AKAIN1: variants seen among roughly 807,000 people sequenced by gnomAD.
The protein encoded by AKAIN1 is A-kinase anchor protein inhibitor 1.
In AKAIN1, 3 loss-of-function variants were observed where a neutral mutation model predicts 3.7. The ratio of observed to expected loss-of-function variants is 0.82; its 90% confidence interval spans 0.37 to 2.12. AKAIN1 has a LOEUF of 2.12. Ranked by LOEUF, AKAIN1 falls within the 30% of genes most tolerant of loss-of-function variation. The probability of loss-of-function intolerance (pLI) is 0.06; values close to 1 mark genes in which losing one functional copy is unlikely to be tolerated. For synonymous variants in AKAIN1, 31 were observed against 30.8 expected, an observed-to-expected ratio of 1.01 and a Z score of -0.02; for missense variants, 82 against 82.7, an observed-to-expected ratio of 0.99 and a Z score of 0.03.
intron 1 of AKAIN1, among the ~76,000 whole-genome samples, chr18:5,193,688 G>T (rs911456098): frequency 6.6e-6 from 1 of 152,068 alleles, no homozygotes; most frequent in African/African-American, 2.4e-5. Context: ...AATGGTCAGT[G>T]GTCTTTCTTC....
At chr18:5,147,595 T>C (rs1461033733) in intron 1 of AKAIN1, among the ~76,000 whole-genome samples, 1 of 152,222 alleles carries the variant, frequency 6.6e-6, no homozygotes, top group African/African-American at 2.4e-5. Context: ...CAACAGAATT[T>C]ATACACCTAA....
At chr18:5,184,177 A>C (rs954074741) in intron 1 of AKAIN1, among the ~76,000 whole-genome samples, 1 of 150,964 alleles carries the variant, frequency 6.6e-6, no homozygotes, top group African/African-American at 2.5e-5. Context: ...CATGCCCCAC[A>C]ATGACAGCAA....
intron 1 of AKAIN1, among the ~76,000 whole-genome samples, chr18:5,185,460 T>C (rs895902892): frequency 6.6e-6 from 1 of 152,134 alleles, no homozygotes; most frequent in Admixed American, 6.5e-5. Context: ...AACAAAGGTC[T>C]AATATCCAGA....
chr18:5,161,889 C>A (rs1284701723), intron 1 of AKAIN1, among the ~76,000 whole-genome samples: 1 of 152,084 alleles, frequency 6.6e-6, no homozygotes, highest in Non-Finnish European at 1.5e-5. Flanking sequence ...CAGGTGTGAT[C>A]TATTACTCTT....
At chr18:5,169,945 G>A (rs1210720500) in intron 1 of AKAIN1, among the ~76,000 whole-genome samples, 2 of 152,040 alleles carry the variant, frequency 1.3e-5, no homozygotes, top group African/African-American at 4.8e-5. Flanking sequence ...GCCTGTGATG[G>A]CCTAAAGTTT....
Position 5,161,643 on chromosome 18 carries a change from G to A in AKAIN1, c.17-15888C>T, listed in dbSNP as rs2143330777. On this transcript the variant is annotated intron_variant, in intron 1 of 1. Coordinates refer to ENST00000434239, the MANE Select transcript of AKAIN1 (RefSeq NM_001145194.2). ...AGATTTTGCTATCCCAATATTAACT[G>A]TGATATTTTCTGGAGCTTTTGGTAG... is the stretch of plus-strand genomic sequence containing the variant. 1.3e-5 allele frequency among the ~76,000 whole-genome samples: 2 copies of A among 152,196 alleles called. 1 individual carries two copies. Among genetic ancestry groups the A allele is most frequent in the Middle Eastern group, 6.8e-3 (2 of 294 alleles).
intron 1 of AKAIN1, chr18:5,170,714 C>G (rs2071192593): frequency 6.6e-6 from 1 of 152,108 alleles, no homozygotes; most frequent in African/African-American, 2.4e-5. Flanking sequence ...TTTAACCTCC[C>G]CTTGAACTGT....
At chr18:5,150,176 T>C (rs1280725086) in intron 1 of AKAIN1, among the ~76,000 whole-genome samples, 2 of 152,238 alleles carry the variant, frequency 1.3e-5, no homozygotes, top group Non-Finnish European at 2.9e-5. Context: ...ATCACACTCA[T>C]ACTTCCTGGC....
intron 1 of AKAIN1, among the ~76,000 whole-genome samples, chr18:5,161,488 C>A (rs919077970): frequency 6.6e-6 from 1 of 151,984 alleles, no homozygotes; most frequent in African/African-American, 2.4e-5. Context: ...TGCTGTCTTC[C>A]TTTCAATTTC....
At chr18:5,196,948 TA>T in intron 1 of AKAIN1, 89 bp downstream of exon 1, 1 of 1,161,494 alleles carries the variant, frequency 8.6e-7, no homozygotes, top group Non-Finnish European at 1.3e-6. Context: ...AGATGGGCCG[TA>T]AGGTAAAGAG....
chr18:5,150,425 A>T (rs573075578), intron 1 of AKAIN1, among the ~76,000 whole-genome samples: 6 of 152,352 alleles, frequency 3.9e-5, no homozygotes, highest in African/African-American at 1.4e-4. Context: ...AACATCCTCT[A>T]GCCTAATTAG....
In AKAIN1 at chr18:5,143,461, C is replaced by T. The variant is rs894902612; in HGVS notation, c.*2101G>A. Among the ~76,000 whole-genome samples, 1 of 152,096 alleles carries T rather than the reference C, an allele frequency of 6.6e-6. No individual in the cohort carries two copies. The highest frequency in any genetic ancestry group is 2.4e-5 in the African/African-American group (1 of 41,420). On this transcript the variant is annotated 3_prime_UTR_variant, in exon 2 of 2. Coordinates refer to ENST00000434239, the MANE Select transcript of AKAIN1 (RefSeq NM_001145194.2). ...CCTTGAATTTTTTAGATCAAAAGAC[C>T]ACTTCTTAGCATACATCCTTTTCTC...
At chr18:5,182,214 A>G (rs549179859) in intron 1 of AKAIN1, among the ~76,000 whole-genome samples, 1 of 152,140 alleles carries the variant, frequency 6.6e-6, no homozygotes, top group Non-Finnish European at 1.5e-5. Context: ...CACAGGTAAC[A>G]TAGTGATCCA....
chr18:5,197,626 CCT>C (rs2143053649), upstream of AKAIN1: 1 of 449,586 alleles, frequency 2.2e-6, no homozygotes, highest in East Asian at 3.6e-5. The surrounding 1 kb of genome is among the most constrained non-coding windows in gnomAD (Gnocchi z 6.9). Flanking sequence ...GTCCGTGAGT[CCT>C]CTCTCGCGAG....
At chr18:5,190,266 G>A (rs1002465235) in intron 1 of AKAIN1, among the ~76,000 whole-genome samples, 1 of 151,932 alleles carries the variant, frequency 6.6e-6, no homozygotes, top group East Asian at 1.9e-4. Context: ...TGTTATAATG[G>A]CAACTAAATT....
intron 1 of AKAIN1, among the ~76,000 whole-genome samples, chr18:5,157,869 CTT>C (rs1479991302): frequency 1.3e-5 from 2 of 151,962 alleles, no homozygotes; most frequent in Non-Finnish European, 2.9e-5. Flanking sequence ...AATTTTTAAT[CTT>C]TTTGCAGAGA....
Position 5,145,566 on chromosome 18 carries a change from T to C in AKAIN1, c.206A>G (p.Lys69Arg). The change falls in exon 2 of 2, where the codon AAG becomes AGG. Residue 69 changes from lysine (K) to arginine (R), a missense_variant. Lys to Arg is a conservative substitution (Grantham distance 26, BLOSUM62 2). Coordinates refer to ENST00000434239, the MANE Select transcript of AKAIN1 (RefSeq NM_001145194.2). The stretch of plus-strand genomic sequence containing the variant: ...TCAAGAGCCAAATCCACCATGTTAC[T>C]TCTTTTCGTGCTTCTTGGTTAACTC... ...VGELTKKHEK[K>R] The C allele has an allele frequency of 6.4e-7, 1 of 1,551,128 alleles. No individual in the cohort carries two copies. Among genetic ancestry groups the C allele is most frequent in the Non-Finnish European group, 8.7e-7 (1 of 1,146,770 alleles).
intron 1 of AKAIN1, among the ~76,000 whole-genome samples, chr18:5,154,384 C>T (rs897890673): frequency 6.6e-6 from 1 of 152,128 alleles, no homozygotes; most frequent in African/African-American, 2.4e-5. Context: ...TTCAGAGAGA[C>T]TTAAAAGGCT....
At chr18:5,197,460 G>C (rs1009785323), upstream of AKAIN1, 13 of 1,213,182 alleles carry the variant, frequency 1.1e-5, no homozygotes, top group Non-Finnish European at 1.3e-5. This position sits in a 1 kb window ranked among gnomAD's most constrained non-coding sequence, Gnocchi z 6.9. Flanking sequence ...ACCTGCTGTG[G>C]CTCGTCGCCG....
Sources: allele counts gnomAD v4.1 joint callset (sites outside exome capture counted in the v4.1 genomes callset), GRCh38; gene constraint gnomAD v4.1.1; non-coding constraint Gnocchi (gnomAD v3.1); transcripts MANE v1.5; gene names NCBI Gene and HGNC (gene_info 2026-07-23, HGNC 2026-07-21).